The following COL10A1 variants were observed in gnomAD, a reference collection of about 807,000 sequenced individuals.
COL10A1 encodes the protein collagen type X alpha 1 chain.
In COL10A1, 10 loss-of-function variants were observed where a neutral mutation model predicts 18.2. The observed-to-expected ratio is 0.55, with a 90% confidence interval of 0.34 to 0.93. The LOEUF is 0.93. COL10A1 is among the 40% of genes least tolerant of loss of function. The pLI is 0.02. For missense variants in COL10A1, 897 were observed against 853.5 expected (o/e 1.05, Z -0.64); for synonymous variants, 330 against 316.6 (o/e 1.04, Z -0.45).
Position 116,121,619 on chromosome 6 carries a change from G to A in COL10A1, c.497C>T (p.Ala166Val). Reference protein sequence around the residue: ...GKPGQQGPTGAPGPRGFPGEK... With the variant: ...GKPGQQGPTGVPGPRGFPGEK... Reference sequence around the variant, plus strand: ...TCCAGGAAAGCCCCTGGGTCCTGGGGCTCCTGTGGGTCCCTGTTGTCCAGG... The same window carrying A: ...TCCAGGAAAGCCCCTGGGTCCTGGGACTCCTGTGGGTCCCTGTTGTCCAGG... Residue 166 changes from alanine to valine, a missense_variant, in exon 3 of 3, where the codon GCC becomes GTC. Transcript: ENST00000651968. 1 of 1,613,908 alleles carries A rather than the reference G, an allele frequency of 6.2e-7. No individual in the cohort carries two copies. Among genetic ancestry groups the A allele is most frequent in the African/African-American group, 1.3e-5 (1 of 74,988 alleles).
chr6:116,149,287 T>C (rs1193178179), intron 1 of COL10A1, among the ~76,000 whole-genome samples: 1 of 152,216 alleles, frequency 6.6e-6, no homozygotes, highest in African/African-American at 2.4e-5. Context: ...ATAGCTTAAG[T>C]ATATGTTTTC....
the COL10A1 span, among the ~76,000 whole-genome samples, chr6:116,206,887 C>G: frequency 6.6e-6 from 1 of 151,858 alleles, no homozygotes; most frequent in African/African-American, 2.4e-5. Context: ...TAACATTTGC[C>G]AAATAATTGT....
intron 1 of COL10A1, among the ~76,000 whole-genome samples, chr6:116,133,807 C>G (rs1779524513): frequency 6.6e-6 from 1 of 152,256 alleles, no homozygotes; most frequent in East Asian, 1.9e-4. Context: ...TTTTTGCACC[C>G]TGGTTTCCTC....
chr6:116,201,487 C>T, the COL10A1 span, among the ~76,000 whole-genome samples: 3 of 152,110 alleles, frequency 2.0e-5, no homozygotes, highest in East Asian at 1.9e-4. Flanking sequence ...CCTAATGAGA[C>T]CAGTGACTTA....
chr6:116,186,674 G>A, the COL10A1 span, among the ~76,000 whole-genome samples: 25 of 152,066 alleles, frequency 1.6e-4, no homozygotes, highest in Non-Finnish European at 3.2e-4. Context: ...CTGTTGCTGC[G>A]AGTTTCCAGT....
At chr6:116,205,700 GT>G in the COL10A1 span, among the ~76,000 whole-genome samples, 1 of 151,880 alleles carries the variant, frequency 6.6e-6, no homozygotes, top group Non-Finnish European at 1.5e-5. Flanking sequence ...TATTAAAAGG[GT>G]ACATTTTAAA....
At chr6:116,205,495 C>A in the COL10A1 span, among the ~76,000 whole-genome samples, 2 of 151,802 alleles carry the variant, frequency 1.3e-5, no homozygotes, top group South Asian at 4.1e-4. Context: ...GAGTCAGCAG[C>A]TTCTCCCTCT....
At chr6:116,173,209 C>G in the COL10A1 span, among the ~76,000 whole-genome samples, 1 of 152,154 alleles carries the variant, frequency 6.6e-6, no homozygotes, top group Admixed American at 6.5e-5. Context: ...AAAGTGTAAA[C>G]TATAACTGTG....
chr6:116,151,907 A>C (rs1780051310), intron 1 of COL10A1, among the ~76,000 whole-genome samples: 1 of 152,192 alleles, frequency 6.6e-6, no homozygotes, highest in South Asian at 2.1e-4. Flanking sequence ...TGATGCATTT[A>C]TTTTGGCTTC....
upstream of COL10A1, among the ~76,000 whole-genome samples, chr6:116,130,364 T>C (rs1478248754): frequency 1.3e-5 from 2 of 152,152 alleles, no homozygotes; most frequent in African/African-American, 4.8e-5. Context: ...CTTACTATTG[T>C]TCAGAATTTT....
the COL10A1 span, among the ~76,000 whole-genome samples, chr6:116,164,263 G>T: frequency 1.3e-5 from 2 of 152,078 alleles, no homozygotes; most frequent in Admixed American, 1.3e-4. Context: ...AAATCTGGGT[G>T]CTCTGGTGTT....
At chr6:116,200,009 A>G in the COL10A1 span, among the ~76,000 whole-genome samples, 2 of 148,538 alleles carry the variant, frequency 1.3e-5, no homozygotes, top group African/African-American at 5.1e-5. Flanking sequence ...TGGGGGGGGA[A>G]GAGTAACTTT....
chr6:116,157,342 A>G (rs1369791699), intron 1 of COL10A1, among the ~76,000 whole-genome samples: 1 of 152,188 alleles, frequency 6.6e-6, no homozygotes, highest in Non-Finnish European at 1.5e-5. Flanking sequence ...AACCCTAGAC[A>G]AGTAACTGTA....
chr6:116,121,238 G>A lies in COL10A1; in HGVS notation c.878C>T (p.Pro293Leu). The A allele has an allele frequency of 6.2e-7, 1 of 1,613,722 alleles. No individual in the cohort carries two copies. The highest frequency in any genetic ancestry group is 8.5e-7 in the Non-Finnish European group (1 of 1,179,822). Reference sequence around the variant, plus strand: ...TGGTTTCCCAAAGCCAGGAGGCCCTGGGGGCCCAGCTATTCCTGGAGCCCC... The same window carrying A: ...TGGTTTCCCAAAGCCAGGAGGCCCTAGGGGCCCAGCTATTCCTGGAGCCCC... Reference protein sequence around the residue: ...LPGAPGIAGPPGPPGFGKPGL... With the variant: ...LPGAPGIAGPLGPPGFGKPGL... The change falls in exon 3 of 3, where the codon CCA (proline) becomes CTA (leucine). Residue 293 changes from proline to leucine, a missense_variant. Coordinates refer to ENST00000651968, the MANE Select transcript of COL10A1 (RefSeq NM_000493.4).
the COL10A1 span, among the ~76,000 whole-genome samples, chr6:116,206,415 A>C: frequency 6.6e-6 from 1 of 152,022 alleles, no homozygotes; most frequent in South Asian, 2.1e-4. Flanking sequence ...TCAATGACTA[A>C]AGCACTTACC....
At chr6:116,182,200 G>A in the COL10A1 span, among the ~76,000 whole-genome samples, 3 of 139,862 alleles carry the variant, frequency 2.1e-5, no homozygotes, top group African/African-American at 8.1e-5. Context: ...TTCTTTTTAT[G>A]GCTGAGTAGT....
rs991892408 is a variant in COL10A1 at position 116,149,914 on chromosome 6, G to A, written c.-16+8700C>T. Among the ~76,000 whole-genome samples the A allele has an allele frequency of 4.6e-5, 7 of 152,328 alleles. 1 individual carries two copies. The highest frequency in any genetic ancestry group is 4.6e-4 in the Admixed American group (7 of 15,296). ...TTAACGGCTTTTTATCTAAAGCATA[G>A]TGTTCCCCCACTCACAGGTAGGTAA... is the stretch of plus-strand genomic sequence containing the variant. On this transcript the variant is annotated intron_variant, in intron 1 of 1. Transcript: ENST00000418500.
the COL10A1 span, among the ~76,000 whole-genome samples, chr6:116,204,911 G>A: frequency 2.0e-5 from 3 of 151,810 alleles, no homozygotes; most frequent in Non-Finnish European, 4.4e-5. Context: ...TCATTTTTTT[G>A]GGTGAGGAAA....
Position 116,119,821 on chromosome 6 carries a change from T to A in COL10A1, c.*252A>T. 1 of 413,828 alleles carries A rather than the reference T, an allele frequency of 2.4e-6. No homozygotes were observed. Among genetic ancestry groups the A allele is most frequent in the Non-Finnish European group, 4.3e-6 (1 of 233,450 alleles). 25.6% of individuals were successfully genotyped at this position (413,828 alleles called of 1,614,324 possible). A position where few individuals can be genotyped will look rare whatever the true frequency, so the allele number is the denominator to read the frequency against. ...ACATAGCAGGACTTCTTTGGTGATATTTTTTAATATTGGAGAAAACCTTAA... is the reference window on the plus strand; with the variant it reads ...ACATAGCAGGACTTCTTTGGTGATAATTTTTAATATTGGAGAAAACCTTAA... On this transcript the variant is annotated 3_prime_UTR_variant, in exon 3 of 3. Transcript: ENST00000651968.
Sources: allele counts gnomAD v4.1 joint callset (sites outside exome capture counted in the v4.1 genomes callset), GRCh38; gene constraint gnomAD v4.1.1; transcripts MANE v1.5; gene names NCBI Gene and HGNC (gene_info 2026-07-23, HGNC 2026-07-21).